The following HSD11B1 variants were observed in gnomAD, a reference collection of about 807,000 sequenced individuals.
HSD11B1 encodes the protein hydroxysteroid 11-beta dehydrogenase 1, also known as 11-beta-hydroxysteroid dehydrogenase 1.
A neutral mutation model predicts 22.1 loss-of-function variants in HSD11B1; 15 were observed. The observed-to-expected ratio is 0.68, with a 90% CI of 0.45 to 1.04. The LOEUF (loss-of-function observed/expected upper bound fraction) is 1.04. Among genes scored for constraint, HSD11B1 ranks in the 50% least tolerant of loss-of-function variants. The pLI, the probability that HSD11B1 is intolerant of heterozygous loss-of-function variation, is 0.00. For missense variants in HSD11B1, 281 were observed against 357.6 expected, an observed-to-expected ratio of 0.79 and a Z score of 1.73; for synonymous variants, 122 against 125.2, an observed-to-expected ratio of 0.97 and a Z score of 0.17.
chr1:209,703,566 T>C (rs1263674364), upstream of HSD11B1, among the ~76,000 whole-genome samples: 1 of 152,210 alleles, frequency 6.6e-6, no homozygotes, highest in Admixed American at 6.5e-5. Flanking sequence ...CTGTGGGCCT[T>C]TGTTGACAAA....
chr1:209,733,675 C>T (rs2077049352), intron 5 of HSD11B1, among the ~76,000 whole-genome samples: 1 of 152,016 alleles, frequency 6.6e-6, no homozygotes, highest in Admixed American at 6.6e-5. Context: ...TTATCTAAAA[C>T]ATGTGGCAGA....
intron 4 of HSD11B1, among the ~76,000 whole-genome samples, chr1:209,712,940 T>A (rs540237713): frequency 6.6e-6 from 1 of 152,022 alleles, no homozygotes; most frequent in Non-Finnish European, 1.5e-5. Flanking sequence ...TCCCAGCTAC[T>A]TGGGAGGCTG....
At chr1:209,704,107 A>G (rs1375005654), upstream of HSD11B1, among the ~76,000 whole-genome samples, 9 of 152,264 alleles carry the variant, frequency 5.9e-5, no homozygotes, top group Admixed American at 6.5e-5. Flanking sequence ...TCTTCCTAGC[A>G]TCTTCTCCAT....
At chr1:209,723,406 A>ATC (rs762890303) in intron 4 of HSD11B1, among the ~76,000 whole-genome samples, 7 of 152,108 alleles carry the variant, frequency 4.6e-5, no homozygotes, top group African/African-American at 7.2e-5. Flanking sequence ...TAACAAGTGG[A>ATC]TCTCATAGGG....
chr1:209,716,068 C>G (rs779937049), intron 4 of HSD11B1, among the ~76,000 whole-genome samples: 1 of 152,050 alleles, frequency 6.6e-6, no homozygotes, highest in Non-Finnish European at 1.5e-5. Context: ...CAACACAGTA[C>G]GAGAAGTCCT....
intron 4 of HSD11B1, among the ~76,000 whole-genome samples, chr1:209,710,077 G>C (rs1222986581): frequency 6.6e-6 from 1 of 152,084 alleles, no homozygotes; most frequent in Non-Finnish European, 1.5e-5. Flanking sequence ...AGAATGGAAA[G>C]AGAATACCTA....
At chr1:209,709,479 G>A (rs756806214) in intron 4 of HSD11B1, among the ~76,000 whole-genome samples, 1 of 152,188 alleles carries the variant, frequency 6.6e-6, no homozygotes, top group Non-Finnish European at 1.5e-5. Context: ...TAGGATGTAA[G>A]TTCAGCTACT....
At chr1:209,721,581 A>C (rs1425152043) in intron 4 of HSD11B1, among the ~76,000 whole-genome samples, 1 of 151,884 alleles carries the variant, frequency 6.6e-6, no homozygotes, top group Non-Finnish European at 1.5e-5. Context: ...TGCAGGAGAC[A>C]CCACTGCTGC....
intron 4 of HSD11B1, among the ~76,000 whole-genome samples, chr1:209,714,591 T>TAGAAACAGGC (rs2076918695): frequency 6.6e-6 from 1 of 152,222 alleles, no homozygotes; most frequent in Admixed American, 6.5e-5. Context: ...CCTTTCTGTT[T>TAGAAACAGGC]CTAGGCCTTC....
intron 1 of HSD11B1, among the ~76,000 whole-genome samples, chr1:209,692,607 C>CGGGGGGGG (rs796545462): frequency 6.8e-4 from 33 of 48,208 alleles, no homozygotes; most frequent in Non-Finnish European, 1.0e-3. Context: ...ATTAAAATGG[C>CGGGGGGGG]GGGGGGGGGG....
rs75248732 is a variant in HSD11B1, at chr1:209,696,061, G to A, written c.-48-8834G>A. ...AATAAATGACACATGTTACAATACG[G>A]AAGAATCTCAAAAACATGTTAAGTG... On this transcript the variant is annotated intron_variant, in intron 1 of 6. Coordinates refer to the HSD11B1 transcript ENST00000261465. 7.6e-3 allele frequency among the ~76,000 whole-genome samples: 1,150 copies of A among 152,286 alleles called. 19 individuals are homozygous for A. Among genetic ancestry groups the A allele is most frequent in the African/African-American group, 0.026 (1,077 of 41,570 alleles).
At chr1:209,707,436 A>G (rs1558191005) in intron 4 of HSD11B1, among the ~76,000 whole-genome samples, 1 of 150,078 alleles carries the variant, frequency 6.7e-6, no homozygotes. Flanking sequence ...TGAAGTTGAA[A>G]TGTTCATAGT....
chr1:209,686,964 C>A (rs577610089), intron 1 of HSD11B1, among the ~76,000 whole-genome samples: 7 of 152,264 alleles, frequency 4.6e-5, no homozygotes, highest in African/African-American at 1.7e-4. Flanking sequence ...GAGCCCTAAA[C>A]GGGCCTTTTC....
chr1:209,696,944 T>G (rs2076794709), intron 1 of HSD11B1, among the ~76,000 whole-genome samples: 1 of 152,190 alleles, frequency 6.6e-6, no homozygotes, highest in Admixed American at 6.5e-5. Context: ...ATTGAAGAGC[T>G]GAAAGAGTGC....
intron 1 of HSD11B1, among the ~76,000 whole-genome samples, chr1:209,686,989 C>T (rs768999150): frequency 8.5e-4 from 130 of 152,306 alleles, no homozygotes; most frequent in Middle Eastern, 3.4e-3. Context: ...AAAATCCCAA[C>T]ACTTGTTTCA....
intron 1 of HSD11B1, among the ~76,000 whole-genome samples, chr1:209,694,793 A>T (rs2076780889): frequency 6.6e-6 from 1 of 152,192 alleles, no homozygotes. Flanking sequence ...GTTTTCCTAT[A>T]TTCTTTTGTG....
chr1:209,698,131 A>G (rs2076803278), intron 1 of HSD11B1, among the ~76,000 whole-genome samples: 1 of 151,676 alleles, frequency 6.6e-6, no homozygotes, highest in Non-Finnish European at 1.5e-5. Flanking sequence ...ATAGGTAGAC[A>G]GCTTAGATAG....
chr1:209,699,580 C>T (rs1197568161), intron 1 of HSD11B1, among the ~76,000 whole-genome samples: 1 of 152,126 alleles, frequency 6.6e-6, no homozygotes, highest in African/African-American at 2.4e-5. Context: ...TGGGTAAGGA[C>T]ACAGTCAAAC....
chr1:209,720,903 G>A (rs998386484), intron 4 of HSD11B1, among the ~76,000 whole-genome samples: 1 of 152,188 alleles, frequency 6.6e-6, no homozygotes, highest in African/African-American at 2.4e-5. Context: ...CCTTGCAGAT[G>A]TAGTTAAGTT....
Sources: gnomAD v4.1 joint callset for allele counts (sites outside exome capture counted in the v4.1 genomes callset) on GRCh38, gnomAD v4.1.1 for gene constraint, MANE v1.5 for transcripts, NCBI Gene and HGNC (gene_info 2026-07-23, HGNC 2026-07-21) for gene names.